The following RGS8 variants were observed in gnomAD, a reference collection of about 807,000 sequenced individuals.
RGS8 encodes regulator of G-protein signaling 8.
A neutral mutation model predicts 21.7 loss-of-function variants in RGS8; 8 were observed. The ratio of observed to expected loss-of-function variants is 0.37; its 90% CI spans 0.22 to 0.66. The LOEUF is 0.66. RGS8 is among the 30% of genes least tolerant of loss of function. RGS8 has a pLI of 0.59. For missense variants in RGS8, 157 were observed against 217.9 expected (o/e 0.72, Z 1.76); for synonymous variants, 80 against 83.6 (o/e 0.96, Z 0.24).
the RGS8 span, among the ~76,000 whole-genome samples, chr1:182,716,775 C>G: frequency 7.2e-4 from 110 of 152,202 alleles, no homozygotes; most frequent in African/African-American, 2.6e-3. Flanking sequence ...TCCGGCCCTG[C>G]CACTTTTCTG....
At chr1:182,749,315 T>A in the RGS8 span, among the ~76,000 whole-genome samples, 1 of 152,218 alleles carries the variant, frequency 6.6e-6, no homozygotes, top group Non-Finnish European at 1.5e-5. Context: ...CATGTGGATA[T>A]CCAGTCTTCC....
the RGS8 span, among the ~76,000 whole-genome samples, chr1:182,715,808 A>T: frequency 6.6e-6 from 1 of 152,298 alleles, no homozygotes; most frequent in Admixed American, 6.5e-5. Context: ...CAGTGTGGCT[A>T]GTAATATTAG....
At chr1:182,672,784 CTT>C (rs149835889), upstream of RGS8, 10 of 1,613,616 alleles carry the variant, frequency 6.2e-6, no homozygotes, top group East Asian at 2.2e-4. Flanking sequence ...ATTTTTCTGT[CTT>C]TTCCATTTCT....
chr1:182,743,252 T>C, the RGS8 span, among the ~76,000 whole-genome samples: 1 of 152,214 alleles, frequency 6.6e-6, no homozygotes, highest in Admixed American at 6.5e-5. Context: ...TGAACATGTA[T>C]TGAGCCTATG....
chr1:182,746,559 T>C, the RGS8 span, among the ~76,000 whole-genome samples: 1 of 151,844 alleles, frequency 6.6e-6, no homozygotes, highest in Non-Finnish European at 1.5e-5. Flanking sequence ...CCCAACTACA[T>C]AAGTATCACT....
At chr1:182,701,008 A>T in the RGS8 span, among the ~76,000 whole-genome samples, 2 of 152,228 alleles carry the variant, frequency 1.3e-5, no homozygotes, top group African/African-American at 4.8e-5. Context: ...ATTGTAACAA[A>T]TTCATCATAT....
At chr1:182,696,423 T>C in the RGS8 span, among the ~76,000 whole-genome samples, 1 of 152,202 alleles carries the variant, frequency 6.6e-6, no homozygotes, top group Non-Finnish European at 1.5e-5. Flanking sequence ...AGTGTCATGA[T>C]CTTGGCTCAC....
At chr1:182,644,914 C>A (rs375003968), downstream of RGS8, 1 of 152,132 alleles carries the variant, frequency 6.6e-6, no homozygotes, top group Non-Finnish European at 1.5e-5. Flanking sequence ...CAGGTCTTTT[C>A]GGTGTCTGTG....
At chr1:182,644,915 G>A (rs753767247), downstream of RGS8, 9 of 151,994 alleles carry the variant, frequency 5.9e-5, no homozygotes, top group African/African-American at 1.5e-4. Flanking sequence ...AGGTCTTTTC[G>A]GTGTCTGTGA....
chr1:182,717,760 A>G, the RGS8 span, among the ~76,000 whole-genome samples: 1 of 152,194 alleles, frequency 6.6e-6, no homozygotes, highest in African/African-American at 2.4e-5. Context: ...TAAACTCTAA[A>G]AAGAGAGGAA....
upstream of RGS8, among the ~76,000 whole-genome samples, chr1:182,685,577 T>C (rs1408404277): frequency 1.3e-5 from 2 of 152,010 alleles, no homozygotes; most frequent in Non-Finnish European, 2.9e-5. Flanking sequence ...CAGCTAACGA[T>C]GGGAAGAGCA....
chr1:182,672,662 C>T (rs528528763), upstream of RGS8, among the ~76,000 whole-genome samples: 2 of 152,340 alleles, frequency 1.3e-5, no homozygotes, highest in South Asian at 2.1e-4. Context: ...GTTTTTCCTA[C>T]AGTAGAAACT....
chr1:182,681,771 T>C (rs1571357857), intron 1 of RGS8, among the ~76,000 whole-genome samples: 1 of 152,270 alleles, frequency 6.6e-6, no homozygotes, highest in Non-Finnish European at 1.5e-5. Flanking sequence ...TGCACTCCGA[T>C]GCACGGAGAT....
the RGS8 span, among the ~76,000 whole-genome samples, chr1:182,696,303 T>A: frequency 6.6e-6 from 1 of 152,288 alleles, no homozygotes; most frequent in African/African-American, 2.4e-5. Flanking sequence ...CTGTCTAGCT[T>A]TTTTATTTTT....
the RGS8 span, among the ~76,000 whole-genome samples, chr1:182,751,445 A>C: frequency 1.3e-5 from 2 of 152,208 alleles, no homozygotes; most frequent in Non-Finnish European, 2.9e-5. Flanking sequence ...TAAGACAGAC[A>C]CAGTCCCTGC....
chr1:182,667,520 A>G (rs1663933067), intron 3 of RGS8, among the ~76,000 whole-genome samples: 2 of 152,176 alleles, frequency 1.3e-5, no homozygotes, highest in Non-Finnish European at 1.5e-5. Context: ...GCTATAGTCA[A>G]CCCATAGGAT....
upstream of RGS8, among the ~76,000 whole-genome samples, chr1:182,673,148 CT>C (rs1557899442): frequency 6.6e-6 from 1 of 152,214 alleles, no homozygotes; most frequent in Non-Finnish European, 1.5e-5. Context: ...GACACATAGC[CT>C]TTGCTGCAAA....
chr1:182,751,365 C>G, the RGS8 span, among the ~76,000 whole-genome samples: 2 of 152,180 alleles, frequency 1.3e-5, no homozygotes, highest in African/African-American at 2.4e-5. Context: ...TTAACTCATT[C>G]ATTTATTTAT....
At chr1:182,690,565 G>C in the RGS8 span, among the ~76,000 whole-genome samples, 4 of 152,202 alleles carry the variant, frequency 2.6e-5, no homozygotes, top group Non-Finnish European at 5.9e-5. Context: ...TTTGTTAAAT[G>C]ACAGGGCTAG....
Sources: gnomAD v4.1 joint callset for allele counts (sites outside exome capture counted in the v4.1 genomes callset) on GRCh38, gnomAD v4.1.1 for gene constraint, MANE v1.5 for transcripts, NCBI Gene and HGNC (gene_info 2026-07-23, HGNC 2026-07-21) for gene names.